PPP1R9A: variants seen among roughly 807,000 people sequenced by gnomAD.
The protein encoded by PPP1R9A is protein phosphatase 1 regulatory subunit 9A.
Under a neutral mutation model 141.9 loss-of-function variants are expected in PPP1R9A, and 59 were observed. That is an observed-to-expected ratio of 0.42 (90% CI 0.34 to 0.52). The LOEUF (loss-of-function observed/expected upper bound fraction) is 0.52. Ranked by LOEUF, PPP1R9A falls within the 20% of genes least tolerant of loss-of-function variation. The pLI is 0.10. For synonymous variants in PPP1R9A, 500 were observed against 569.7 expected, an observed-to-expected ratio of 0.88 and a Z score of 1.74; for missense variants, 1,444 against 1,611.9, an observed-to-expected ratio of 0.90 and a Z score of 1.78.
At chr7:95,231,024 G>A (rs1041224726) in intron 8 of PPP1R9A, among the ~76,000 whole-genome samples, 14 of 152,094 alleles carry the variant, frequency 9.2e-5, no homozygotes, top group African/African-American at 3.1e-4. Context: ...CACCTAACAC[G>A]TAAGGACTCA....
At chr7:95,099,717 TAATGTATAGTAACCAGTAAGTCATA>T (rs1360888501) in intron 2 of PPP1R9A, among the ~76,000 whole-genome samples, 1 of 152,112 alleles carries the variant, frequency 6.6e-6, no homozygotes, top group East Asian at 1.9e-4. Context: ...CAATGAAAAA[TAATGTATAGTAACCAGTAAGTCATA>T]AATAGAAGAT....
chr7:95,102,232 A>T (rs1254074732), intron 2 of PPP1R9A, among the ~76,000 whole-genome samples: 2 of 152,232 alleles, frequency 1.3e-5, no homozygotes, highest in African/African-American at 4.8e-5. Context: ...GTCCCAGATT[A>T]TCCATTCCTG....
In PPP1R9A at chr7:95,111,306, A is replaced by T; in HGVS notation, c.1443A>T (p.Glu481Asp). The T allele has an allele frequency of 6.2e-7, 1 of 1,613,256 alleles. No homozygotes were observed. The highest frequency in any genetic ancestry group is 8.5e-7 in the Non-Finnish European group (1 of 1,179,278). ...AAGACTATGACAGGAGAAATGACGA[A>T]GTTGACCCTGTGGCTGCTTCAGCTG... ...SNEDYDRRNDEVDPVAASAEY... is the reference protein window; with the variant it reads ...SNEDYDRRNDDVDPVAASAEY... The change falls in exon 3 of 20, where the codon GAA (glutamate) becomes GAT (aspartate). Residue 481 changes from glutamate (E) to aspartate (D), a missense_variant. Coordinates refer to ENST00000433360, the MANE Select transcript of PPP1R9A (RefSeq NM_001166160.2).
At chr7:95,243,399 C>T (rs1797720393) in intron 8 of PPP1R9A, among the ~76,000 whole-genome samples, 1 of 152,026 alleles carries the variant, frequency 6.6e-6, no homozygotes, top group South Asian at 2.1e-4. Flanking sequence ...CACTAAAGGC[C>T]AATTGATTAT....
At chr7:95,002,552 G>A (rs2151534068) in intron 2 of PPP1R9A, among the ~76,000 whole-genome samples, 1 of 152,256 alleles carries the variant, frequency 6.6e-6, no homozygotes, top group South Asian at 2.1e-4. Flanking sequence ...TAGACGTGAT[G>A]TTGCATTTGT....
intron 2 of PPP1R9A, among the ~76,000 whole-genome samples, chr7:95,100,679 G>A (rs1238818304): frequency 6.6e-6 from 1 of 152,104 alleles, no homozygotes; most frequent in Non-Finnish European, 1.5e-5. Flanking sequence ...CCTTGTGTGA[G>A]GAAAAGCTGG....
chr7:95,070,593 G>GTA lies in PPP1R9A; in HGVS notation c.1396-40649_1396-40648dup, dbSNP rs71961632. On this transcript the variant is annotated intron_variant, in intron 2 of 19. Transcript: ENST00000433360. ...ATTTCAATTATTTTTTAAATCTCTGGTATATATATATATATATACACACAC... is the reference window on the plus strand; with the variant it reads ...ATTTCAATTATTTTTTAAATCTCTGGTATATATATATATATATATACACACAC... 6.4e-3 allele frequency among the ~76,000 whole-genome samples: 713 copies of GTA among 111,702 alleles called. 28 individuals carry two copies. Among genetic ancestry groups the GTA allele is most frequent in the East Asian group, 0.014 (68 of 5,034 alleles). The allele number at this position is 111,702 out of a possible 152,430, so 73.3% of individuals were successfully genotyped here.
At chr7:94,937,029 G>A (rs1351084853) in intron 2 of PPP1R9A, among the ~76,000 whole-genome samples, 1 of 152,080 alleles carries the variant, frequency 6.6e-6, no homozygotes, top group African/African-American at 2.4e-5. Context: ...CCATGTCCAT[G>A]TATTAGCATT....
At chr7:94,969,404 C>CTGCTGCAGGTCTGCTGGGGTT (rs1798607294) in intron 2 of PPP1R9A, among the ~76,000 whole-genome samples, 1 of 152,244 alleles carries the variant, frequency 6.6e-6, no homozygotes, top group African/African-American at 2.4e-5. Flanking sequence ...TCAGGCCCCC[C>CTGCTGCAGGTCTGCTGGGGTT]TGCTGCAGGT....
Position 95,291,675 on chromosome 7 carries a change from G to T in PPP1R9A, c.*1372G>T, listed in dbSNP as rs12533898. 1.3e-5 allele frequency: 2 copies of T among 152,188 alleles called. No homozygotes were observed. Among genetic ancestry groups the T allele is most frequent in the Admixed American group, 1.3e-4 (2 of 15,280 alleles). The allele number at this position is 152,188 out of a possible 1,614,324, so 9.4% of individuals were successfully genotyped here. ...TATGCTCATGTATCTGGTTCTCTTT[G>T]CTGCGTTGACTCTAAAAATGAGGTT... On this transcript the variant is annotated 3_prime_UTR_variant, in exon 20 of 20. Transcript: ENST00000433360.
chr7:95,284,632 T>C (rs1360901156), intron 17 of PPP1R9A, among the ~76,000 whole-genome samples: 1 of 152,244 alleles, frequency 6.6e-6, no homozygotes, highest in African/African-American at 2.4e-5. Flanking sequence ...AATTTGGGAC[T>C]GAATACGAGT....
chr7:95,159,898 C>A (rs1448339075), intron 4 of PPP1R9A, among the ~76,000 whole-genome samples: 3 of 145,414 alleles, frequency 2.1e-5, no homozygotes, highest in African/African-American at 7.6e-5. Context: ...TGCACTCCAG[C>A]CTGGGTGACA....
intron 2 of PPP1R9A, among the ~76,000 whole-genome samples, chr7:95,056,928 A>G (rs1166082669): frequency 1.3e-5 from 2 of 152,108 alleles, no homozygotes; most frequent in African/African-American, 4.8e-5. Context: ...CACCTTCACT[A>G]AACTTTGTTA....
chr7:95,071,068 A>G (rs1055248882), intron 2 of PPP1R9A, among the ~76,000 whole-genome samples: 4 of 152,156 alleles, frequency 2.6e-5, no homozygotes, highest in Middle Eastern at 3.4e-3. Flanking sequence ...GTGACTATAC[A>G]CTAAAGATTG....
intron 2 of PPP1R9A, among the ~76,000 whole-genome samples, chr7:95,064,295 A>T (rs1042827595): frequency 1.1e-4 from 16 of 152,218 alleles, no homozygotes; most frequent in African/African-American, 3.6e-4. Context: ...CTTTGAACTC[A>T]TGGCTAGTAT....
At chr7:95,133,513 TTA>T (rs10570222) in intron 4 of PPP1R9A, among the ~76,000 whole-genome samples, 49,175 of 132,284 alleles carry the variant, frequency 0.37, 8,945 homozygotes, top group South Asian at 0.47. Flanking sequence ...TGCAGTCGTA[TTA>T]TATATATATA....
At chr7:94,966,253 A>G (rs1798201488) in intron 2 of PPP1R9A, among the ~76,000 whole-genome samples, 1 of 152,182 alleles carries the variant, frequency 6.6e-6, no homozygotes, top group African/African-American at 2.4e-5. Flanking sequence ...TATACAACAT[A>G]TACAGTCATG....
At chr7:95,180,773 C>T (rs1833622723) in intron 5 of PPP1R9A, among the ~76,000 whole-genome samples, 2 of 151,884 alleles carry the variant, frequency 1.3e-5, no homozygotes, top group African/African-American at 4.8e-5. Flanking sequence ...TGAAAAAATG[C>T]TCAACATCAC....
intron 3 of PPP1R9A, among the ~76,000 whole-genome samples, chr7:95,115,335 A>G (rs908104564): frequency 1.3e-5 from 2 of 152,180 alleles, no homozygotes; most frequent in African/African-American, 4.8e-5. Flanking sequence ...AATCAACTTT[A>G]GTAAAATAGA....
Sources: gnomAD v4.1 joint callset for allele counts (sites outside exome capture counted in the v4.1 genomes callset) on GRCh38, gnomAD v4.1.1 for gene constraint, MANE v1.5 for transcripts, NCBI Gene and HGNC (gene_info 2026-07-23, HGNC 2026-07-21) for gene names.